Variants in LRP6 observed in about 807,000 individuals in gnomAD.
LRP6 encodes LDL receptor related protein 6.
In LRP6, 43 loss-of-function variants were observed where a neutral mutation model predicts 184.1. The observed-to-expected ratio is 0.23, with a 90% CI of 0.18 to 0.30. The LOEUF is 0.30. Among genes scored for constraint, LRP6 ranks in the 10% least tolerant of loss-of-function variants. The probability of loss-of-function intolerance (pLI) is 1.00; values close to 1 mark genes in which losing one functional copy is unlikely to be tolerated. For missense variants in LRP6, 1,571 were observed against 2,005.3 expected (o/e 0.78, Z 4.14); for synonymous variants, 719 against 684.9 (o/e 1.05, Z -0.78).
Position 12,117,309 on chromosome 12 carries a change from T to C in LRP6, c.*3817A>G, listed in dbSNP as rs1949531605. ...GTCTCATCTGTAGATGCCCAAATAT[T>C]TGTCCACCTACTGATAACTGGTCAA... On this transcript the variant is annotated 3_prime_UTR_variant, in exon 23 of 23. Transcript: ENST00000261349. The C allele has an allele frequency of 6.6e-6, 1 of 152,220 alleles. No individual in the cohort carries two copies. The highest frequency in any genetic ancestry group is 1.5e-5 in the Non-Finnish European group (1 of 68,032). 9.4% of individuals were successfully genotyped at this position (152,220 alleles called of 1,614,324 possible).
intron 12 of LRP6, among the ~76,000 whole-genome samples, chr12:12,151,420 A>T (rs1950078441): frequency 6.6e-6 from 1 of 151,984 alleles, no homozygotes; most frequent in Non-Finnish European, 1.5e-5. Flanking sequence ...GGCTTTTATA[A>T]ATTAAAGCAG....
At chr12:12,219,301 G>A (rs565196317) in intron 2 of LRP6, among the ~76,000 whole-genome samples, 2 of 152,262 alleles carry the variant, frequency 1.3e-5, no homozygotes, top group African/African-American at 4.8e-5. Context: ...ACCACCCGGG[G>A]TTCAAACGAT....
chr12:12,203,486 G>A (rs1482526727), intron 2 of LRP6, 86 bp from the exon 3 acceptor site: 4 of 1,115,462 alleles, frequency 3.6e-6, no homozygotes, highest in Admixed American at 3.6e-5. Flanking sequence ...GAAAGCTCAG[G>A]CCGCGCGCAG....
chr12:12,162,333 G>A lies in LRP6; in HGVS notation c.2139C>T (p.Asp713=). 4.3e-6 allele frequency: 7 copies of A among 1,614,170 alleles called. No homozygotes were observed. The highest frequency in any genetic ancestry group is 5.9e-6 in the Non-Finnish European group (7 of 1,180,024). The change falls in exon 10 of 23, where the codon GAC becomes GAT. Residue 713 remains aspartate, a synonymous_variant. Transcript: ENST00000261349. ...GLDYPEGMAV[D]WLGKNLYWAD... The stretch of plus-strand genomic sequence containing the variant: ...CCCAGTACAAGTTCTTCCCAAGCCA[G>A]TCTACTGCCATGCCTTCTGGATAAT...
At chr12:12,165,349 C>A in intron 7 of LRP6, 54 bp from the exon 8 acceptor site, 1 of 1,273,016 alleles carries the variant, frequency 7.9e-7, no homozygotes, top group Non-Finnish European at 1.1e-6. Flanking sequence ...TATTCTTCAG[C>A]TAAAAATAAC....
Position 12,266,890 on chromosome 12 carries a change from C to T in LRP6, c.-155G>A, listed in dbSNP as rs1028283958. On this transcript the variant is annotated 5_prime_UTR_variant, in exon 1 of 23. Coordinates refer to ENST00000261349, the MANE Select transcript of LRP6 (RefSeq NM_002336.3). Reference sequence around the variant, plus strand: ...AAGAAAGGGGCACGTCAAGGTTCCGCGCGCGCCGCCGCCGCCCTCTCTACC... The same window carrying T: ...AAGAAAGGGGCACGTCAAGGTTCCGTGCGCGCCGCCGCCGCCCTCTCTACC... 4.3e-6 allele frequency: 3 copies of T among 698,482 alleles called. No individual in the cohort carries two copies. The highest frequency in any genetic ancestry group is 7.6e-6 in the Non-Finnish European group (3 of 396,348). 43.3% of individuals were successfully genotyped at this position (698,482 alleles called of 1,614,324 possible). A position where few individuals can be genotyped will look rare whatever the true frequency, so the allele number is the denominator to read the frequency against.
chr12:12,148,965 G>C lies in LRP6; in HGVS notation c.3183C>G (p.Ala1061=), dbSNP rs776614012. The change falls in exon 14 of 23, where the codon GCC becomes GCG. Residue 1061 remains alanine (A), a synonymous_variant. Transcript: ENST00000261349. ...ACCCTTTCTCTGGGTTTACCACAAC[G>C]GCTCGAGGTCTGTCCTGCTCGCCTT... ...VLKGEQDRPR[A]VVVNPEKGYM... The C allele has an allele frequency of 6.2e-7, 1 of 1,613,446 alleles. No individual in the cohort carries two copies. The highest frequency in any genetic ancestry group is 8.5e-7 in the Non-Finnish European group (1 of 1,179,816).
chr12:12,156,804 T>G (rs1257597870), intron 12 of LRP6, among the ~76,000 whole-genome samples: 1 of 152,244 alleles, frequency 6.6e-6, no homozygotes, highest in Non-Finnish European at 1.5e-5. Context: ...TTGCTACTTC[T>G]CAGTGTTCTC....
intron 7 of LRP6, among the ~76,000 whole-genome samples, chr12:12,169,648 A>T (rs1862979450): frequency 1.3e-5 from 2 of 152,314 alleles, no homozygotes; most frequent in South Asian, 4.1e-4. Context: ...GTGGCGAAGA[A>T]CTCAAAATAG....
chr12:12,224,875 A>AG (rs1343769498), intron 2 of LRP6, among the ~76,000 whole-genome samples: 2 of 152,180 alleles, frequency 1.3e-5, no homozygotes, highest in Admixed American at 1.3e-4. Flanking sequence ...GTAAGAACAT[A>AG]CCTATTCCCT....
intron 1 of LRP6, among the ~76,000 whole-genome samples, chr12:12,265,826 C>T (rs1865742618): frequency 6.6e-6 from 1 of 152,156 alleles, no homozygotes; most frequent in Non-Finnish European, 1.5e-5. Flanking sequence ...TTCAAAACAT[C>T]ATAGTGCCAT....
chr12:12,169,799 T>C (rs1414729103), intron 7 of LRP6, among the ~76,000 whole-genome samples: 2 of 152,190 alleles, frequency 1.3e-5, no homozygotes, highest in South Asian at 2.1e-4. Flanking sequence ...AAAAGCAAGA[T>C]CTATCAATTC....
chr12:12,215,614 G>T (rs1268923739), intron 2 of LRP6, among the ~76,000 whole-genome samples: 1 of 151,812 alleles, frequency 6.6e-6, no homozygotes, highest in East Asian at 2.0e-4. Context: ...GCCTCCCAAA[G>T]TGCTGGGATT....
At chr12:12,218,418 A>G (rs1864402955) in intron 2 of LRP6, among the ~76,000 whole-genome samples, 1 of 151,428 alleles carries the variant, frequency 6.6e-6, no homozygotes, top group African/African-American at 2.4e-5. Context: ...TTGAGGCTGC[A>G]ATGAGCCATG....
In LRP6 at chr12:12,181,050, T is replaced by C; in HGVS notation, c.1366A>G (p.Met456Val). ...ATCAGTAGAGCTTCTTACCCAACCA[T>C]GGGATCTAACACAATAGCCCGGGGT... is the stretch of plus-strand genomic sequence containing the variant. ...EEPRAIVLDPMVGYMYWTDWG... is the reference protein window; with the variant it reads ...EEPRAIVLDPVVGYMYWTDWG... The change falls in exon 6 of 23, where the codon ATG (methionine) becomes GTG (valine). Residue 456 changes from methionine to valine, a missense_variant. Coordinates refer to ENST00000261349, the MANE Select transcript of LRP6 (RefSeq NM_002336.3). 2 of 1,614,114 alleles carry C rather than the reference T, an allele frequency of 1.2e-6. No homozygotes were observed. The highest frequency in any genetic ancestry group is 1.7e-6 in the Non-Finnish European group (2 of 1,179,960).
chr12:12,138,728 A>G (rs1012575736), intron 15 of LRP6, 194 bp from the exon 16 acceptor site: 4 of 1,434,114 alleles, frequency 2.8e-6, no homozygotes, highest in Admixed American at 2.3e-5. Flanking sequence ...TTAATATGCA[A>G]TCAAGAGCAA....
chr12:12,248,771 C>T (rs1191418628), intron 1 of LRP6, among the ~76,000 whole-genome samples: 2 of 152,144 alleles, frequency 1.3e-5, no homozygotes, highest in African/African-American at 4.8e-5. Flanking sequence ...TGAGCCACTG[C>T]GCCCAGCCTC....
chr12:12,180,390 T>G (rs924857667), intron 6 of LRP6, among the ~76,000 whole-genome samples: 1 of 152,064 alleles, frequency 6.6e-6, no homozygotes. Flanking sequence ...AAATAACTAT[T>G]TCTTCCTGCA....
chr12:12,171,089 G>C (rs767174036), intron 7 of LRP6, among the ~76,000 whole-genome samples: 13 of 151,112 alleles, frequency 8.6e-5, no homozygotes, highest in Admixed American at 2.6e-4. Flanking sequence ...AAACTAGGTA[G>C]TTCATGGTCG....
Sources: allele counts gnomAD v4.1 joint callset (sites outside exome capture counted in the v4.1 genomes callset), GRCh38; gene constraint gnomAD v4.1.1; transcripts MANE v1.5; gene names NCBI Gene and HGNC (gene_info 2026-07-23, HGNC 2026-07-21).